SLC35F4: variants seen among roughly 807,000 people sequenced by gnomAD.
SLC35F4 encodes solute carrier family 35 member F4, also known as chromosome 14 open reading frame 36.
Under a neutral mutation model 44.2 loss-of-function variants are expected in SLC35F4, and 24 were observed. The observed-to-expected ratio is 0.54, with a 90% CI of 0.39 to 0.76. The LOEUF (loss-of-function observed/expected upper bound fraction) is 0.76. Ranked by LOEUF, SLC35F4 falls within the 30% of genes least tolerant of loss-of-function variation. The pLI is 0.00. For synonymous variants in SLC35F4, 238 were observed against 223.6 expected (o/e 1.06, Z -0.57); for missense variants, 562 against 586.1 (o/e 0.96, Z 0.42).
rs72624730 is a variant in SLC35F4 at position 57,859,502 on chromosome 14, T to G, written c.103+6221A>C. Among the ~76,000 whole-genome samples the G allele has an allele frequency of 0.023, 3,512 of 152,280 alleles. 447 individuals are homozygous for G. In the East Asian group the frequency reaches 0.4, roughly 17 times the overall value. On this transcript the variant is annotated intron_variant, in intron 1 of 7. Transcript: ENST00000556826. ...CTTAGGCAATTAGAGGATTGTGGTG[T>G]AGGGGGGAGAAATGTGTGCTAAAAT...
intron 1 of SLC35F4, among the ~76,000 whole-genome samples, chr14:57,799,205 A>C (rs920925551): frequency 1.3e-5 from 2 of 152,198 alleles, no homozygotes; most frequent in Non-Finnish European, 2.9e-5. Flanking sequence ...GCTCAGAGCC[A>C]AAGAAACCCC....
intron 1 of SLC35F4, among the ~76,000 whole-genome samples, chr14:57,776,662 T>A (rs1482509631): frequency 6.1e-5 from 4 of 65,480 alleles, no homozygotes; most frequent in South Asian, 6.1e-4. Flanking sequence ...CAAGACTCCA[T>A]CTCAAAAAAA....
intron 1 of SLC35F4, among the ~76,000 whole-genome samples, chr14:57,663,669 T>C (rs1236635842): frequency 6.6e-6 from 1 of 152,190 alleles, no homozygotes; most frequent in African/African-American, 2.4e-5. Context: ...TTTAGTTCCA[T>C]GGAGTTCTAG....
At chr14:57,591,323 C>A (rs2070168058) in intron 2 of SLC35F4, among the ~76,000 whole-genome samples, 1 of 152,146 alleles carries the variant, frequency 6.6e-6, no homozygotes, top group South Asian at 2.1e-4. Context: ...AAAAAATGTC[C>A]ATGGTGCAGT....
intron 1 of SLC35F4, among the ~76,000 whole-genome samples, chr14:57,648,361 G>C (rs1480659517): frequency 2.0e-5 from 3 of 152,138 alleles, no homozygotes; most frequent in Non-Finnish European, 1.5e-5. Flanking sequence ...TTTTTAAAAA[G>C]AGATATAGCT....
At chr14:57,930,284 G>C (rs1226200993) in intron 1 of SLC35F4, among the ~76,000 whole-genome samples, 3 of 152,190 alleles carry the variant, frequency 2.0e-5, no homozygotes, top group Non-Finnish European at 4.4e-5. Flanking sequence ...GACAGACCCA[G>C]GCTAAGGAAA....
chr14:57,642,523 C>T (rs1483942845), intron 1 of SLC35F4, among the ~76,000 whole-genome samples: 1 of 151,732 alleles, frequency 6.6e-6, no homozygotes, highest in Non-Finnish European at 1.5e-5. Context: ...CTTTCATCCC[C>T]TTCTGAGTTT....
intron 2 of SLC35F4, among the ~76,000 whole-genome samples, chr14:57,589,898 C>CCA (rs2070047933): frequency 1.3e-5 from 2 of 152,158 alleles, no homozygotes; most frequent in Non-Finnish European, 2.9e-5. Context: ...CATAAGAAGC[C>CCA]TTAGGAGGCA....
At chr14:57,761,922 T>C (rs1175298163) in intron 1 of SLC35F4, among the ~76,000 whole-genome samples, 3 of 151,954 alleles carry the variant, frequency 2.0e-5, no homozygotes, top group African/African-American at 7.3e-5. Context: ...GTTAAAAAGG[T>C]GTTGAGAGGC....
intron 1 of SLC35F4, among the ~76,000 whole-genome samples, chr14:57,687,481 T>C (rs2075101214): frequency 6.6e-6 from 1 of 152,172 alleles, no homozygotes. Context: ...GAAACATCTT[T>C]CTCACTCTGA....
intron 1 of SLC35F4, among the ~76,000 whole-genome samples, chr14:57,619,972 CAAG>C (rs1566692979): frequency 6.6e-6 from 1 of 151,578 alleles, no homozygotes; most frequent in African/African-American, 2.4e-5. Flanking sequence ...TGAAATAAAG[CAAG>C]AAGACAAGAT....
At chr14:57,744,081 A>G (rs541450113) in intron 1 of SLC35F4, among the ~76,000 whole-genome samples, 30 of 152,344 alleles carry the variant, frequency 2.0e-4, no homozygotes, top group African/African-American at 6.5e-4. Flanking sequence ...GTATCTCAAA[A>G]TAATAAGAGC....
At chr14:57,944,719 GA>G (rs761860560) in intron 1 of SLC35F4, among the ~76,000 whole-genome samples, 16 of 109,270 alleles carry the variant, frequency 1.5e-4, no homozygotes, top group African/African-American at 4.9e-4. Context: ...AAGAAAGAAA[GA>G]AAGAAAGAAA....
At chr14:57,831,486 C>G (rs979877039) in intron 1 of SLC35F4, among the ~76,000 whole-genome samples, 1 of 152,126 alleles carries the variant, frequency 6.6e-6, no homozygotes, top group Non-Finnish European at 1.5e-5. Context: ...AAGGGCCAAG[C>G]GTGAATCTGG....
intron 1 of SLC35F4, among the ~76,000 whole-genome samples, chr14:57,814,258 G>C (rs1390264100): frequency 6.6e-6 from 1 of 152,178 alleles, no homozygotes; most frequent in Non-Finnish European, 1.5e-5. Context: ...ATTTAATAAA[G>C]ATTTACTACC....
chr14:57,918,933 A>G (rs1455348625), intron 1 of SLC35F4, among the ~76,000 whole-genome samples: 1 of 152,338 alleles, frequency 6.6e-6, no homozygotes, highest in Admixed American at 6.5e-5. Flanking sequence ...TAACACCCCA[A>G]AAATTTATAT....
intron 1 of SLC35F4, among the ~76,000 whole-genome samples, chr14:57,663,148 C>T (rs1181061566): frequency 1.3e-5 from 2 of 152,094 alleles, no homozygotes; most frequent in Non-Finnish European, 1.5e-5. Context: ...ATTCAATTGC[C>T]CCTTTGAGTG....
At chr14:57,677,332 A>G (rs545868488) in intron 1 of SLC35F4, among the ~76,000 whole-genome samples, 1 of 151,982 alleles carries the variant, frequency 6.6e-6, no homozygotes, top group Admixed American at 6.6e-5. Context: ...TGATGGGTGC[A>G]CCAAAACCTC....
chr14:57,865,174 T>C (rs1428115379), intron 1 of SLC35F4, among the ~76,000 whole-genome samples: 1 of 150,766 alleles, frequency 6.6e-6, no homozygotes, highest in Non-Finnish European at 1.5e-5. Flanking sequence ...CTAAAGATAC[T>C]GTAACCGGAG....
Sources: allele counts gnomAD v4.1 joint callset (sites outside exome capture counted in the v4.1 genomes callset), GRCh38; gene constraint gnomAD v4.1.1; transcripts MANE v1.5; gene names NCBI Gene and HGNC (gene_info 2026-07-23, HGNC 2026-07-21).